The following ATP5MC1 variants were observed in gnomAD, a reference collection of about 807,000 sequenced individuals.
ATP5MC1 encodes the protein ATP synthase membrane subunit c locus 1.
ATP5MC1 carries 4 observed loss-of-function variants against 12.1 expected under a neutral mutation model. The observed-to-expected ratio is 0.33, with a 90% CI of 0.16 to 0.76. The LOEUF (loss-of-function observed/expected upper bound fraction) is 0.76, where lower values mean the gene tolerates loss of function less well. Ranked by LOEUF, ATP5MC1 falls within the 30% of genes least tolerant of loss-of-function variation. The pLI is 0.61. For synonymous variants in ATP5MC1, 52 were observed against 66.0 expected, an observed-to-expected ratio of 0.79 and a Z score of 1.03; for missense variants, 117 against 172.1, an observed-to-expected ratio of 0.68 and a Z score of 1.79.
intron 4 of ATP5MC1, 114 bp from the exon 5 acceptor site, chr17:48,895,541 C>A: frequency 7.7e-7 from 1 of 1,294,830 alleles, no homozygotes; most frequent in Non-Finnish European, 1.1e-6. Context: ...AGGATCTGTG[C>A]AGGCTAGGCC....
intron 2 of ATP5MC1, 50 bp from the exon 3 acceptor site, chr17:48,894,322 A>AT (rs534058266): frequency 2.2e-5 from 35 of 1,572,674 alleles, no homozygotes; most frequent in Non-Finnish European, 3.0e-5. Flanking sequence ...AGCAATTAGG[A>AT]TTTTTTTTCC....
intron 1 of ATP5MC1, 135 bp downstream of exon 1, chr17:48,893,045 A>C: frequency 3.5e-6 from 1 of 286,198 alleles, no homozygotes; most frequent in Non-Finnish European, 6.6e-6. Flanking sequence ...TACCAACGGT[A>C]ATGAACGATT....
At chr17:48,895,391 G>A in intron 4 of ATP5MC1, 57 bp downstream of exon 4, 4 of 1,534,046 alleles carry the variant, frequency 2.6e-6, no homozygotes, top group Non-Finnish European at 3.5e-6. Context: ...GTTTGGGGAA[G>A]CCTCAGCTGG....
chr17:48,894,308 G>A, intron 2 of ATP5MC1, 64 bp from the exon 3 acceptor site: 1 of 1,476,702 alleles, frequency 6.8e-7, no homozygotes, highest in Non-Finnish European at 9.5e-7. Flanking sequence ...ATTTTTGACA[G>A]CTCAGCAATT....
intron 2 of ATP5MC1, chr17:48,893,743 A>G: frequency 2.0e-6 from 1 of 507,198 alleles, no homozygotes; most frequent in Non-Finnish European, 3.5e-6. Flanking sequence ...GCACGTTAGA[A>G]TCATCCAGGG....
At chr17:48,894,543 G>A (rs2040555692) in intron 3 of ATP5MC1, 94 bp downstream of exon 3, 2 of 1,293,834 alleles carry the variant, frequency 1.5e-6, no homozygotes. Flanking sequence ...TGAGGCGAGA[G>A]GATCACTTGA....
intron 2 of ATP5MC1, 155 bp from the exon 3 acceptor site, chr17:48,894,217 G>C: frequency 1.4e-6 from 1 of 706,928 alleles, no homozygotes. Context: ...AGCTGTCTCT[G>C]GGGCAGGCCT....
At chr17:48,895,426 G>T in intron 4 of ATP5MC1, 92 bp downstream of exon 4, 1 of 1,491,472 alleles carries the variant, frequency 6.7e-7, no homozygotes, top group South Asian at 1.3e-5. Flanking sequence ...GGAGCCTTCA[G>T]GTTGATTTCA....
Position 48,894,382 on chromosome 17 carries a change from G to A in ATP5MC1, c.50G>A (p.Cys17Tyr). Residue 17 changes from cysteine to tyrosine, a missense_variant, in exon 3 of 5, where the codon TGT becomes TAT. Cys to Tyr is a radical substitution (Grantham distance 194). Coordinates refer to ENST00000393366, the MANE Select transcript of ATP5MC1 (RefSeq NM_005175.3). ...TTTCTGATTTTACAGATCCGCTGTT[G>A]TACCAGGGGTCTAATCAGGCCTGTG... ...LFISPALIRC[C>Y]TRGLIRPVSA... 1 of 1,613,934 alleles carries A rather than the reference G, an allele frequency of 6.2e-7. No individual in the cohort carries two copies. The highest frequency in any genetic ancestry group is 2.2e-5 in the East Asian group (1 of 44,880).
rs11549737 is a variant in ATP5MC1, at chr17:48,893,439, T to C, written c.22T>C (p.Phe8Leu). 2 of 1,614,068 alleles carry C rather than the reference T, an allele frequency of 1.2e-6. No individual in the cohort carries two copies. ...AAAAATGCAGACCGCCGGGGCATTATTCATTTCTCCAGCTCTGGTAAGGTG... is the reference window on the plus strand; with the variant it reads ...AAAAATGCAGACCGCCGGGGCATTACTCATTTCTCCAGCTCTGGTAAGGTG... Reference protein sequence around the residue: MQTAGALFISPALIRCCT... With the variant: MQTAGALLISPALIRCCT... The change falls in exon 2 of 5, where the codon TTC (phenylalanine) becomes CTC (leucine). Residue 8 changes from phenylalanine to leucine, a missense_variant. By Grantham distance (22) the Phe-to-Leu change is conservative. Transcript: ENST00000393366.
chr17:48,895,082 G>A (rs2040559224), intron 3 of ATP5MC1, 74 bp from the exon 4 acceptor site: 5 of 1,544,054 alleles, frequency 3.2e-6, no homozygotes, highest in African/African-American at 1.4e-5. Context: ...TGGGGTGAAG[G>A]AGGTAGAGTC....
At chr17:48,894,519 G>A (rs2040555475) in intron 3 of ATP5MC1, 70 bp downstream of exon 3, 2 of 1,504,128 alleles carry the variant, frequency 1.3e-6, no homozygotes, top group Admixed American at 3.4e-5. Flanking sequence ...TGTAATCCCA[G>A]CTCTTTGAGA....
At position 48,895,724 on chromosome 17, in the gene ATP5MC1, G is replaced by T. The variant is rs756241438; in HGVS notation, c.366G>T (p.Gly122=). 6 of 1,614,040 alleles carry T rather than the reference G, an allele frequency of 3.7e-6. No homozygotes were observed. The South Asian group carries it at 6.6e-5, about 18-fold the overall frequency. Residue 122 remains glycine, a synonymous_variant, in exon 5 of 5, where the codon GGG becomes GGT. Transcript: ENST00000393366. ...ILGFALSEAM[G]LFCLMVAFLI... ...GCTTTGCCCTGTCTGAGGCCATGGG[G>T]CTTTTCTGTTTGATGGTCGCCTTCC...
intron 1 of ATP5MC1, chr17:48,893,164 C>T: frequency 4.0e-6 from 2 of 504,824 alleles, no homozygotes; most frequent in Non-Finnish European, 7.1e-6. Context: ...CATTCCCTTT[C>T]GCAACATTTC....
At chr17:48,893,721 T>A in intron 2 of ATP5MC1, 2 of 549,952 alleles carry the variant, frequency 3.6e-6, no homozygotes, top group South Asian at 4.7e-5. Context: ...ACAGTGGTTT[T>A]CAACAGTGGC....
Sources: gnomAD v4.1 joint callset for allele counts on GRCh38, gnomAD v4.1.1 for gene constraint, MANE v1.5 for transcripts, NCBI Gene and HGNC (gene_info 2026-07-23, HGNC 2026-07-21) for gene names.